PYURF: variants seen among roughly 807,000 people sequenced by gnomAD.
PYURF encodes the protein PIGY upstream open reading frame.
In PYURF, 9 loss-of-function variants were observed where a neutral mutation model predicts 8.0. That is an observed-to-expected ratio of 1.13 (90% confidence interval 0.68 to 1.97). PYURF has a LOEUF of 1.97. Among genes scored for constraint, PYURF ranks in the 30% most tolerant of loss-of-function variants. The pLI, the probability that PYURF is intolerant of heterozygous loss-of-function variation, is 0.00. For missense variants in PYURF, 130 were observed against 158.0 expected, an observed-to-expected ratio of 0.82 and a Z score of 0.95; for synonymous variants, 56 against 68.3, an observed-to-expected ratio of 0.82 and a Z score of 0.89.
chr4:88,523,532 A>C lies in PYURF; in HGVS notation c.169T>G (p.Phe57Val), dbSNP rs1422025145. The C allele has an allele frequency of 6.4e-7, 1 of 1,550,938 alleles. No homozygotes were observed. The highest frequency in any genetic ancestry group is 8.7e-7 in the Non-Finnish European group (1 of 1,146,810). ...PRDFDPALLE[F>V]LVCPLSKKPL... ...TTCTTGGAGAGCGGGCACACCAGGAACTCCAGCAGCGCCGGATCGAAGTCG... is the reference window on the plus strand; with the variant it reads ...TTCTTGGAGAGCGGGCACACCAGGACCTCCAGCAGCGCCGGATCGAAGTCG... Residue 57 changes from phenylalanine to valine, a missense_variant, in exon 1 of 2, where the codon TTC becomes GTC. By Grantham distance (50) the Phe-to-Val change is conservative. Transcript: ENST00000273968.
Position 88,521,770 on chromosome 4 carries a change from G to A in PYURF, c.*118C>T, listed in dbSNP as rs11539621. On this transcript the variant is annotated 3_prime_UTR_variant, in exon 2 of 2. Transcript: ENST00000273968. ...AACCAGTGGAATAAGAACAGTCAAC[G>A]TAGGAAGAGACAGAAACATTCTTCT... is the stretch of plus-strand genomic sequence containing the variant. 5.3e-5 allele frequency: 86 copies of A among 1,612,372 alleles called. No individual in the cohort carries two copies. Among genetic ancestry groups the A allele is most frequent in the East Asian group, 8.9e-5 (4 of 44,878 alleles).
chr4:88,521,877 T>A lies in PYURF; in HGVS notation c.*11A>T, dbSNP rs1301781880. 6.5e-7 allele frequency: 1 copy of A among 1,540,926 alleles called. No homozygotes were observed. The highest frequency in any genetic ancestry group is 8.7e-7 in the Non-Finnish European group (1 of 1,144,370). On this transcript the variant is annotated 3_prime_UTR_variant, in exon 2 of 2. Coordinates refer to ENST00000273968, the MANE Select transcript of PYURF (RefSeq NM_032906.5). ...GGCTGTTGCGTTTTTTTAATTTTTT[T>A]AAATTATGAACTAGCGCTGCTCCAC...
chr4:88,521,477 C>T lies in PYURF; in HGVS notation c.*411G>A. 1 of 1,128,724 alleles carries T rather than the reference C, an allele frequency of 8.9e-7. No homozygotes were observed. The highest frequency in any genetic ancestry group is 1.3e-6 in the Non-Finnish European group (1 of 784,318). The allele number at this position is 1,128,724 out of a possible 1,614,324, so 69.9% of individuals were successfully genotyped here. A position where few individuals can be genotyped will look rare whatever the true frequency, so the allele number is the denominator to read the frequency against. ...TAAGCCTGATATGCGCAAAGCAAAG[C>T]CTCTTTCCCGCAAACTAAATTCCAT... On this transcript the variant is annotated 3_prime_UTR_variant, in exon 2 of 2. Transcript: ENST00000273968.
In PYURF at chr4:88,523,671, G is replaced by C. The variant is rs1403043452; in HGVS notation, c.30C>G (p.Ala10=). 1 of 1,525,612 alleles carries C rather than the reference G, an allele frequency of 6.6e-7. No homozygotes were observed. The highest frequency in any genetic ancestry group is 8.8e-7 in the Non-Finnish European group (1 of 1,140,574). 94.5% of individuals were successfully genotyped at this position (1,525,612 alleles called of 1,614,324 possible). Residue 10 remains alanine, a synonymous_variant, in exon 1 of 2, where the codon GCC becomes GCG. Transcript: ENST00000273968. The part of the protein sequence containing the change: MLSGARCRL[A]SALRGTRAPP... Reference sequence around the variant, plus strand: ...GCGCGCGCGTTCCCCGCAGCGCTGAGGCGAGCCTGCAGCGTGCTCCACTCA... The same window carrying C: ...GCGCGCGCGTTCCCCGCAGCGCTGACGCGAGCCTGCAGCGTGCTCCACTCA...
At chr4:88,523,403 C>T in intron 1 of PYURF, 95 bp downstream of exon 1, 1 of 1,307,750 alleles carries the variant, frequency 7.6e-7, no homozygotes, top group African/African-American at 1.5e-5. Context: ...CCTGACCGAC[C>T]TACAAGGCCC....
chr4:88,522,934 C>T (rs973428084), intron 1 of PYURF, among the ~76,000 whole-genome samples: 3 of 152,146 alleles, frequency 2.0e-5, no homozygotes, highest in African/African-American at 7.2e-5. Flanking sequence ...CGGACTTGTC[C>T]TGAATCGCAG....
In PYURF at chr4:88,521,411, ACAATAAAAGAAG is replaced by A; in HGVS notation, c.*465_*476del. The A allele has an allele frequency of 1.6e-6, 1 of 625,144 alleles. No homozygotes were observed. Among genetic ancestry groups the A allele is most frequent in the Non-Finnish European group, 2.8e-6 (1 of 358,424 alleles). The allele number at this position is 625,144 out of a possible 1,614,324, so 38.7% of individuals were successfully genotyped here. A position where few individuals can be genotyped will look rare whatever the true frequency, so the allele number is the denominator to read the frequency against. On this transcript the variant is annotated 3_prime_UTR_variant, in exon 2 of 2. Coordinates refer to ENST00000273968, the MANE Select transcript of PYURF (RefSeq NM_032906.5). Reference sequence around the variant, plus strand: ...CAAAAAACAAGGGCAGAACAAGAGTACAATAAAAGAAGCATCTGCAACTTAAGCCTCCCACAG... The same window carrying A: ...CAAAAAACAAGGGCAGAACAAGAGTACATCTGCAACTTAAGCCTCCCACAG...
chr4:88,522,711 T>C (rs1742414699), intron 1 of PYURF, among the ~76,000 whole-genome samples: 1 of 152,216 alleles, frequency 6.6e-6, no homozygotes, highest in South Asian at 2.1e-4. Flanking sequence ...CAATATTCAA[T>C]TTTGGTAGCT....
In PYURF at chr4:88,521,933, C is replaced by A. The variant is rs1007950891; in HGVS notation, c.300G>T (p.Arg100Ser). Residue 100 changes from arginine (R) to serine (S), a missense_variant, in exon 2 of 2, where the codon AGG becomes AGT. Arg to Ser is a moderately radical substitution (Grantham distance 110). Coordinates refer to ENST00000273968, the MANE Select transcript of PYURF (RefSeq NM_032906.5). ...CTTGCTTCTTACTTTGACGTGTCAT[C>A]CTAGCTGCCTGTGGTATCATATTAG... ...GIPNMIPQAARMTRQSKKQEE... is the reference protein window; with the variant it reads ...GIPNMIPQAASMTRQSKKQEE... The A allele has an allele frequency of 6.4e-7, 1 of 1,551,522 alleles. No individual in the cohort carries two copies. Among genetic ancestry groups the A allele is most frequent in the Admixed American group, 2.0e-5 (1 of 50,984 alleles).
At chr4:88,523,462 G>T (rs1228402372) in intron 1 of PYURF, 36 bp downstream of exon 1, 1 of 1,548,906 alleles carries the variant, frequency 6.5e-7, no homozygotes, top group Non-Finnish European at 8.7e-7. Context: ...CGCCCACCGG[G>T]AGGCTGCAAA....
intron 1 of PYURF, among the ~76,000 whole-genome samples, chr4:88,523,156 G>A (rs1042788108): frequency 6.6e-6 from 1 of 152,056 alleles, no homozygotes; most frequent in Non-Finnish European, 1.5e-5. Context: ...CCCATCCCGC[G>A]AGCATTCCAA....
At chr4:88,523,296 G>T (rs897793146) in intron 1 of PYURF, among the ~76,000 whole-genome samples, 1 of 152,218 alleles carries the variant, frequency 6.6e-6, no homozygotes. Flanking sequence ...TGCGTTCTGG[G>T]AGATGTGGGA....
At chr4:88,522,081 G>C (rs1021920002) in intron 1 of PYURF, 52 bp from the exon 2 acceptor site, 11 of 1,477,304 alleles carry the variant, frequency 7.4e-6, no homozygotes, top group African/African-American at 2.8e-5. Flanking sequence ...TAAAATGCTT[G>C]AAGAGCCTGA....
Position 88,523,653 on chromosome 4 carries a change from C to G in PYURF, c.48G>C (p.Thr16=), listed in dbSNP as rs1185920910. ...GGGCGACCGCGGACGGCGGCGCGCGCGTTCCCCGCAGCGCTGAGGCGAGCC... is the reference window on the plus strand; with the variant it reads ...GGGCGACCGCGGACGGCGGCGCGCGGGTTCCCCGCAGCGCTGAGGCGAGCC... ...RCRLASALRG[T]RAPPSAVARR... Residue 16 remains threonine (T), a synonymous_variant, in exon 1 of 2, where the codon ACG becomes ACC. Coordinates refer to ENST00000273968, the MANE Select transcript of PYURF (RefSeq NM_032906.5). 14 of 1,537,382 alleles carry G rather than the reference C, an allele frequency of 9.1e-6. No individual in the cohort carries two copies. The highest frequency in any genetic ancestry group is 2.0e-4 in the Middle Eastern group (1 of 4,982).
In PYURF at chr4:88,521,846, A is replaced by C. The variant is rs1384072370; in HGVS notation, c.*42T>G. On this transcript the variant is annotated 3_prime_UTR_variant, in exon 2 of 2. Transcript: ENST00000273968. ...TTTTAAAAGGTATATGGTATTAAGA[A>C]AAGTTGGCTGTTGCGTTTTTTTAAT... The C allele has an allele frequency of 7.0e-6, 11 of 1,566,866 alleles. No homozygotes were observed. The highest frequency in any genetic ancestry group is 9.5e-6 in the Non-Finnish European group (11 of 1,157,520).
rs2149117105 is a variant in PYURF, at chr4:88,521,329, C to T, written c.*559G>A. 1 of 459,894 alleles carries T rather than the reference C, an allele frequency of 2.2e-6. No homozygotes were observed. 28.5% of individuals were successfully genotyped at this position (459,894 alleles called of 1,614,324 possible). Reference sequence around the variant, plus strand: ...CATGTCAATTAGGGATGTTCATCTCCAACCAAGACACTGTCAAAATGTTTC... The same window carrying T: ...CATGTCAATTAGGGATGTTCATCTCTAACCAAGACACTGTCAAAATGTTTC... On this transcript the variant is annotated 3_prime_UTR_variant, in exon 2 of 2. Transcript: ENST00000273968.
At chr4:88,523,414 C>T in intron 1 of PYURF, 84 bp downstream of exon 1, 1 of 1,385,116 alleles carries the variant, frequency 7.2e-7, no homozygotes, top group Non-Finnish European at 1.0e-6. Context: ...TACAAGGCCC[C>T]AGTGGCTGCA....
In PYURF at chr4:88,523,586, G is replaced by C. The variant is rs3210572; in HGVS notation, c.115C>G (p.Arg39Gly). Residue 39 changes from arginine to glycine, a missense_variant, in exon 1 of 2, where the codon CGG becomes GGG. Transcript: ENST00000273968. The stretch of plus-strand genomic sequence containing the variant: ...GGCGGCTCCTCAGTCTTCTTGCCCC[G>C]GTCGGCCAAAGGCCGCGACCCCGAC... ...HASGSRPLAD[R>G]GKKTEEPPRD... The C allele has an allele frequency of 1.4e-3, 2,120 of 1,549,978 alleles. 1 individual carries two copies. Among genetic ancestry groups the C allele is most frequent in the Non-Finnish European group, 1.7e-3 (1,979 of 1,146,806 alleles).
intron 1 of PYURF, 148 bp downstream of exon 1, chr4:88,523,350 G>T: frequency 1.2e-6 from 1 of 825,782 alleles, no homozygotes. Flanking sequence ...TGCCCGCTGT[G>T]CGCCCGGCGA....
Sources: allele counts gnomAD v4.1 joint callset (sites outside exome capture counted in the v4.1 genomes callset), GRCh38; gene constraint gnomAD v4.1.1; transcripts MANE v1.5; gene names NCBI Gene and HGNC (gene_info 2026-07-23, HGNC 2026-07-21).